The following CTIF variants were observed in gnomAD, a reference collection of about 807,000 sequenced individuals.
CTIF encodes CBP80/20-dependent translation initiation factor.
A neutral mutation model predicts 66.0 loss-of-function variants in CTIF; 21 were observed. The ratio of observed to expected loss-of-function variants is 0.32; its 90% CI spans 0.23 to 0.46. The LOEUF is 0.46. Among genes scored for constraint, CTIF ranks in the 20% least tolerant of loss-of-function variants. The pLI is 1.00. For missense variants in CTIF, 739 were observed against 812.7 expected (o/e 0.91, Z 1.10); for synonymous variants, 345 against 326.4 (o/e 1.06, Z -0.62).
chr18:48,602,939 G>A (rs1598724149), intron 1 of CTIF, among the ~76,000 whole-genome samples: 2 of 151,306 alleles, frequency 1.3e-5, no homozygotes, highest in Non-Finnish European at 2.9e-5. Flanking sequence ...GTGGGTGAAT[G>A]GACAGTTAGA....
Position 48,725,458 on chromosome 18 carries a change from G to A in CTIF, c.584+13763G>A, listed in dbSNP as rs2145604340. Among the ~76,000 whole-genome samples, 2 of 152,252 alleles carry A rather than the reference G, an allele frequency of 1.3e-5. 1 individual carries two copies. The highest frequency in any genetic ancestry group is 4.1e-4 in the South Asian group (2 of 4,822). On this transcript the variant is annotated intron_variant, in intron 7 of 11. Coordinates refer to ENST00000256413, the MANE Select transcript of CTIF (RefSeq NM_014772.3). Reference sequence around the variant, plus strand: ...GCCTCGGCGCCCTTTCCGGGAGACAGCCCCGGTGTATTTTGACTGTGCTTC... The same window carrying A: ...GCCTCGGCGCCCTTTCCGGGAGACAACCCCGGTGTATTTTGACTGTGCTTC...
chr18:48,676,583 G>C (rs909822147), intron 6 of CTIF, among the ~76,000 whole-genome samples: 2 of 152,114 alleles, frequency 1.3e-5, no homozygotes, highest in Non-Finnish European at 2.9e-5. Context: ...CTGTGAAAGG[G>C]GCTTAGTGCC....
intron 6 of CTIF, among the ~76,000 whole-genome samples, chr18:48,679,793 CT>C (rs1300354279): frequency 6.6e-6 from 1 of 152,176 alleles, no homozygotes; most frequent in Non-Finnish European, 1.5e-5. Context: ...AGGTTTTCCC[CT>C]TTTTTATGCC....
intron 6 of CTIF, among the ~76,000 whole-genome samples, chr18:48,675,081 C>T (rs1251617391): frequency 1.3e-5 from 2 of 151,658 alleles, no homozygotes; most frequent in Admixed American, 1.3e-4. Context: ...AGATGGGGGG[C>T]AGCAGAAGGC....
intron 9 of CTIF, among the ~76,000 whole-genome samples, chr18:48,809,065 G>A (rs1165030257): frequency 6.6e-6 from 1 of 152,056 alleles, no homozygotes. Context: ...AAATCTTTCA[G>A]TTTTGTTAGG....
chr18:48,600,743 C>T (rs147262118), intron 1 of CTIF, among the ~76,000 whole-genome samples: 136 of 152,154 alleles, frequency 8.9e-4, no homozygotes, highest in African/African-American at 3.2e-3. Context: ...CTGGCAGTCT[C>T]TCCATCCCCT....
chr18:48,545,730 G>A (rs1382634958), intron 1 of CTIF, among the ~76,000 whole-genome samples: 1 of 152,198 alleles, frequency 6.6e-6, no homozygotes, highest in Admixed American at 6.5e-5. Flanking sequence ...ACAATGCACT[G>A]TGCAAGCTAG....
chr18:48,722,302 A>C (rs1040888210), intron 7 of CTIF, among the ~76,000 whole-genome samples: 1 of 146,884 alleles, frequency 6.8e-6, no homozygotes, highest in Non-Finnish European at 1.5e-5. Flanking sequence ...GACAGCCTCG[A>C]CCTGCTGGGC....
intron 6 of CTIF, among the ~76,000 whole-genome samples, chr18:48,699,952 G>A (rs542115638): frequency 5.9e-5 from 9 of 152,342 alleles, no homozygotes; most frequent in Non-Finnish European, 5.9e-5. Context: ...AATTCCACGT[G>A]AGCACACTCC....
chr18:48,826,123 A>G (rs906797803), intron 10 of CTIF: 1 of 152,246 alleles, frequency 6.6e-6, no homozygotes, highest in Non-Finnish European at 1.5e-5. Flanking sequence ...TATCTGTAGC[A>G]TAGGAATGAG....
chr18:48,747,650 T>TC (rs1297566720), intron 7 of CTIF, among the ~76,000 whole-genome samples: 3 of 151,800 alleles, frequency 2.0e-5, no homozygotes, highest in Non-Finnish European at 4.4e-5. Context: ...CTCACACTTG[T>TC]AATCCCAGCG....
chr18:48,592,162 C>G (rs1955134933), intron 1 of CTIF, among the ~76,000 whole-genome samples: 1 of 152,114 alleles, frequency 6.6e-6, no homozygotes, highest in African/African-American at 2.4e-5. Flanking sequence ...TATTGTAAAG[C>G]TCTCTAGCTG....
At chr18:48,541,340 G>A (rs1394068763) in intron 1 of CTIF, among the ~76,000 whole-genome samples, 2 of 152,060 alleles carry the variant, frequency 1.3e-5, no homozygotes, top group East Asian at 3.9e-4. Flanking sequence ...GCTCGGCCGC[G>A]GCTAGAGCCT....
intron 1 of CTIF, among the ~76,000 whole-genome samples, chr18:48,547,846 T>G (rs2088789271): frequency 6.6e-6 from 1 of 151,614 alleles, no homozygotes; most frequent in Non-Finnish European, 1.5e-5. Context: ...GATGGGGGAG[T>G]TCTGAGAAGC....
intron 9 of CTIF, among the ~76,000 whole-genome samples, chr18:48,805,411 C>T (rs1278602628): frequency 1.3e-5 from 2 of 150,478 alleles, no homozygotes; most frequent in Admixed American, 6.6e-5. Context: ...GTGGGGGGGA[C>T]CAAGGAGGAA....
intron 5 of CTIF, 21 bp downstream of exon 5, chr18:48,664,572 T>C (rs2091403423): frequency 1.2e-6 from 2 of 1,603,134 alleles, no homozygotes; most frequent in African/African-American, 2.7e-5. Flanking sequence ...CTGGGGCTCT[T>C]ACCCAGGGTG....
intron 1 of CTIF, chr18:48,565,137 C>A (rs1387537316): frequency 2.0e-5 from 3 of 152,060 alleles, no homozygotes; most frequent in African/African-American, 7.2e-5. Flanking sequence ...GTCTCCGGTC[C>A]TGTTTATTAC....
At chr18:48,818,474 G>T (rs1233691446) in intron 10 of CTIF, among the ~76,000 whole-genome samples, 1 of 152,202 alleles carries the variant, frequency 6.6e-6, no homozygotes, top group East Asian at 1.9e-4. Flanking sequence ...AGTTATGTTT[G>T]AGTCGCCTGT....
intron 6 of CTIF, among the ~76,000 whole-genome samples, chr18:48,685,420 A>G (rs11662683): frequency 1.3e-5 from 2 of 151,750 alleles, no homozygotes; most frequent in African/African-American, 4.8e-5. Context: ...ACGGGGTTTC[A>G]CCATGTTAGC....
Sources: allele counts gnomAD v4.1 joint callset (sites outside exome capture counted in the v4.1 genomes callset), GRCh38; gene constraint gnomAD v4.1.1; transcripts MANE v1.5; gene names NCBI Gene and HGNC (gene_info 2026-07-23, HGNC 2026-07-21).